The following C8orf34 variants were observed in gnomAD, a reference collection of about 807,000 sequenced individuals.
The protein encoded by C8orf34 is chromosome 8 open reading frame 34.
C8orf34 carries 65 observed loss-of-function variants against 68.3 expected under a neutral mutation model. The ratio of observed to expected loss-of-function variants is 0.95; its 90% confidence interval spans 0.78 to 1.17. The LOEUF (loss-of-function observed/expected upper bound fraction) is 1.17. Ranked by LOEUF, C8orf34 falls within the 50% of genes most tolerant of loss-of-function variation. The pLI, the probability that C8orf34 is intolerant of heterozygous loss-of-function variation, is 0.00. For synonymous variants in C8orf34, 244 were observed against 241.2 expected (o/e 1.01, Z -0.11); for missense variants, 664 against 655.4 (o/e 1.01, Z -0.14).
intron 1 of C8orf34, among the ~76,000 whole-genome samples, chr8:68,382,459 T>C (rs191088479): frequency 1.0e-3 from 153 of 152,294 alleles, no homozygotes; most frequent in African/African-American, 3.4e-3. Context: ...ATTTCAAGAG[T>C]TCAAAAGTAA....
chr8:68,334,291 T>TA (rs1805754041), intron 1 of C8orf34, among the ~76,000 whole-genome samples: 1 of 152,092 alleles, frequency 6.6e-6, no homozygotes, highest in South Asian at 2.1e-4. Context: ...AAACTATGCC[T>TA]AAAAATCATT....
At chr8:68,627,957 C>T (rs916690401) in intron 7 of C8orf34, among the ~76,000 whole-genome samples, 1 of 152,018 alleles carries the variant, frequency 6.6e-6, no homozygotes, top group African/African-American at 2.4e-5. Flanking sequence ...TTTCAGTTAA[C>T]AAGAGAAGAC....
At chr8:68,490,257 C>T (rs998269826) in intron 5 of C8orf34, among the ~76,000 whole-genome samples, 2 of 152,090 alleles carry the variant, frequency 1.3e-5, no homozygotes, top group African/African-American at 4.8e-5. Context: ...TCTGCAAAAC[C>T]CTGGCTGCCT....
At chr8:68,660,897 A>G (rs755005376) in intron 8 of C8orf34, among the ~76,000 whole-genome samples, 4 of 151,540 alleles carry the variant, frequency 2.6e-5, no homozygotes, top group African/African-American at 7.3e-5. Flanking sequence ...CATAGCTACA[A>G]AAAGGGGGGG....
intron 3 of C8orf34, among the ~76,000 whole-genome samples, chr8:68,463,870 G>C (rs948576148): frequency 2.6e-5 from 4 of 152,156 alleles, no homozygotes; most frequent in African/African-American, 9.7e-5. Context: ...CATTCCCTTT[G>C]AAAACTGGCA....
chr8:68,669,914 T>G (rs1819954306), intron 8 of C8orf34, among the ~76,000 whole-genome samples: 2 of 152,198 alleles, frequency 1.3e-5, no homozygotes, highest in African/African-American at 4.8e-5. Flanking sequence ...GACCAAATGT[T>G]TTTTTGTTGT....
At chr8:68,592,608 T>C (rs1817428303) in intron 7 of C8orf34, among the ~76,000 whole-genome samples, 1 of 142,430 alleles carries the variant, frequency 7.0e-6, no homozygotes, top group Non-Finnish European at 1.5e-5. Context: ...TTTTTTTTTT[T>C]TTTTTTTTTT....
At chr8:68,603,562 T>TATCTATC (rs1554584013) in intron 7 of C8orf34, among the ~76,000 whole-genome samples, 5 of 103,248 alleles carry the variant, frequency 4.8e-5, no homozygotes, top group Non-Finnish European at 9.2e-5. Flanking sequence ...TCTATCTATC[T>TATCTATC]ATCTATCTAT....
At chr8:68,610,020 G>A (rs1180853948) in intron 7 of C8orf34, among the ~76,000 whole-genome samples, 1 of 152,208 alleles carries the variant, frequency 6.6e-6, no homozygotes, top group South Asian at 2.1e-4. Context: ...CAAGTGCATC[G>A]TTATCTCTCA....
chr8:68,770,337 A>G lies in C8orf34; in HGVS notation c.1405-6062A>G, dbSNP rs193188782. The stretch of plus-strand genomic sequence containing the variant: ...CATTAAAGCATTTTAGAAAGAATGA[A>G]TGAATACTATTTTTTGTACGTAATA... On this transcript the variant is annotated intron_variant, in intron 10 of 13. Coordinates refer to ENST00000518698, the MANE Select transcript of C8orf34 (RefSeq NM_052958.4). Among the ~76,000 whole-genome samples the G allele has an allele frequency of 1.2e-3, 183 of 152,342 alleles. 2 individuals carry two copies. Among genetic ancestry groups the G allele is most frequent in the Admixed American group, 0.01 (159 of 15,294 alleles).
At chr8:68,534,166 T>C (rs1295339573) in intron 7 of C8orf34, 11 of 985,294 alleles carry the variant, frequency 1.1e-5, no homozygotes, top group Non-Finnish European at 1.2e-5. Context: ...AGGTGTTATT[T>C]GGTCAATGGT....
chr8:68,521,468 G>C (rs916405420), intron 5 of C8orf34, among the ~76,000 whole-genome samples: 2 of 152,106 alleles, frequency 1.3e-5, no homozygotes, highest in African/African-American at 4.8e-5. Flanking sequence ...GTGACACCAA[G>C]CTCTCTGCCT....
At chr8:68,458,564 T>A (rs1404823466) in intron 3 of C8orf34, among the ~76,000 whole-genome samples, 8 of 152,258 alleles carry the variant, frequency 5.3e-5, no homozygotes, top group Non-Finnish European at 4.4e-5. Context: ...TGATACAGAT[T>A]GCAGATTAAA....
chr8:68,733,850 T>G (rs1444649428), intron 10 of C8orf34, among the ~76,000 whole-genome samples: 1 of 152,136 alleles, frequency 6.6e-6, no homozygotes, highest in African/African-American at 2.4e-5. Flanking sequence ...CACAAACTGC[T>G]TGGGAAAAAA....
intron 10 of C8orf34, among the ~76,000 whole-genome samples, chr8:68,759,789 A>G (rs1822973177): frequency 6.6e-6 from 1 of 152,250 alleles, no homozygotes. Context: ...TTCAAAAAAT[A>G]ATTTAGTATA....
chr8:68,461,071 A>G (rs1039884853), intron 3 of C8orf34, among the ~76,000 whole-genome samples: 1 of 152,246 alleles, frequency 6.6e-6, no homozygotes, highest in Non-Finnish European at 1.5e-5. Flanking sequence ...TATAACTAGA[A>G]TAACCAATAC....
chr8:68,395,718 A>G (rs1253491415), intron 1 of C8orf34, among the ~76,000 whole-genome samples: 1 of 152,112 alleles, frequency 6.6e-6, no homozygotes, highest in African/African-American at 2.4e-5. Flanking sequence ...TTACATTAGA[A>G]CTATATTATA....
intron 10 of C8orf34, among the ~76,000 whole-genome samples, chr8:68,743,712 G>A (rs111874192): frequency 0.013 from 1,937 of 152,304 alleles, 38 homozygotes; most frequent in African/African-American, 0.045. Flanking sequence ...ATTAAAACCC[G>A]CACCTGGCTC....
intron 1 of C8orf34, among the ~76,000 whole-genome samples, chr8:68,431,854 T>A (rs1056376364): frequency 6.6e-6 from 1 of 152,220 alleles, no homozygotes; most frequent in Non-Finnish European, 1.5e-5. Flanking sequence ...GTTGTGGTAT[T>A]TTCATCATTC....
Sources: allele counts gnomAD v4.1 joint callset (sites outside exome capture counted in the v4.1 genomes callset), GRCh38; gene constraint gnomAD v4.1.1; transcripts MANE v1.5; gene names NCBI Gene and HGNC (gene_info 2026-07-23, HGNC 2026-07-21).